HS3ST5: variants seen among roughly 807,000 people sequenced by gnomAD.
HS3ST5 encodes the protein heparan sulfate-glucosamine 3-sulfotransferase 5, also known as heparan sulfate glucosamine 3-O-sulfotransferase 5.
HS3ST5 carries 10 observed loss-of-function variants against 25.4 expected under a neutral mutation model. The observed-to-expected ratio is 0.39, with a 90% confidence interval of 0.24 to 0.67. The LOEUF is 0.67. Among genes scored for constraint, HS3ST5 ranks in the 30% least tolerant of loss-of-function variants. The probability of loss-of-function intolerance (pLI) is 0.44; values close to 1 mark genes in which losing one functional copy is unlikely to be tolerated. For missense variants in HS3ST5, 324 were observed against 420.7 expected (o/e 0.77, Z 2.01); for synonymous variants, 170 against 162.4 (o/e 1.05, Z -0.36).
chr6:114,109,082 A>G (rs1776131840), intron 3 of HS3ST5, among the ~76,000 whole-genome samples: 1 of 152,050 alleles, frequency 6.6e-6, no homozygotes, highest in Non-Finnish European at 1.5e-5. Flanking sequence ...AGGACTGCTT[A>G]AGCCTGGGAG....
chr6:114,126,135 C>T (rs187580463), intron 3 of HS3ST5, among the ~76,000 whole-genome samples: 1 of 152,286 alleles, frequency 6.6e-6, no homozygotes, highest in East Asian at 1.9e-4. Flanking sequence ...TTCAAAAATA[C>T]TCCCTGGATA....
intron 3 of HS3ST5, among the ~76,000 whole-genome samples, chr6:114,082,986 C>T (rs1298420948): frequency 1.3e-5 from 2 of 152,214 alleles, no homozygotes; most frequent in Non-Finnish European, 2.9e-5. Context: ...ACCATTGCTC[C>T]ATCTGTAAGG....
At chr6:114,093,978 C>T (rs1178682683) in intron 3 of HS3ST5, among the ~76,000 whole-genome samples, 1 of 151,998 alleles carries the variant, frequency 6.6e-6, no homozygotes, top group Non-Finnish European at 1.5e-5. Context: ...AATAAAAATT[C>T]AATCTTGAAT....
chr6:114,336,347 G>A (rs1776611162), intron 1 of HS3ST5, among the ~76,000 whole-genome samples: 1 of 152,180 alleles, frequency 6.6e-6, no homozygotes, highest in East Asian at 1.9e-4. Context: ...AGTGGCTCAC[G>A]CCGGTAATCC....
chr6:114,215,386 A>C (rs2114458421), intron 2 of HS3ST5, among the ~76,000 whole-genome samples: 1 of 152,248 alleles, frequency 6.6e-6, no homozygotes, highest in East Asian at 1.9e-4. Context: ...TGGGACCCCG[A>C]ACCCTGGCTG....
chr6:114,242,027 A>G (rs976302318), intron 1 of HS3ST5, among the ~76,000 whole-genome samples: 17 of 152,254 alleles, frequency 1.1e-4, no homozygotes, highest in African/African-American at 4.1e-4. Context: ...AGACTGTACT[A>G]TCCATAGGGC....
intron 3 of HS3ST5, among the ~76,000 whole-genome samples, chr6:114,129,137 T>C (rs1777200675): frequency 6.6e-6 from 1 of 152,172 alleles, no homozygotes; most frequent in Non-Finnish European, 1.5e-5. Context: ...TAATGAGCTC[T>C]TAGTAAATGT....
At chr6:114,246,159 G>A (rs531032092) in intron 1 of HS3ST5, among the ~76,000 whole-genome samples, 39 of 152,124 alleles carry the variant, frequency 2.6e-4, no homozygotes, top group Non-Finnish European at 4.9e-4. Flanking sequence ...TATATTCTCT[G>A]TGAATAAAAC....
intron 1 of HS3ST5, among the ~76,000 whole-genome samples, chr6:114,262,708 C>G (rs540574827): frequency 1.3e-4 from 19 of 151,834 alleles, no homozygotes; most frequent in African/African-American, 4.3e-4. Flanking sequence ...ATTAATAAAA[C>G]AGCAATAATA....
intron 3 of HS3ST5, among the ~76,000 whole-genome samples, chr6:114,129,251 C>CTTTTTTTT (rs398048772): frequency 7.1e-5 from 7 of 98,016 alleles, no homozygotes; most frequent in East Asian, 3.2e-4. Flanking sequence ...CAACAAGAAC[C>CTTTTTTTT]TTTTTTTTTT....
intron 2 of HS3ST5, among the ~76,000 whole-genome samples, chr6:114,207,626 C>T (rs1451475145): frequency 6.6e-6 from 1 of 152,038 alleles, no homozygotes; most frequent in Non-Finnish European, 1.5e-5. Flanking sequence ...CTCTCTCACT[C>T]TCTCTCCTTT....
intron 1 of HS3ST5, among the ~76,000 whole-genome samples, chr6:114,335,187 T>G (rs1180738694): frequency 2.0e-5 from 3 of 151,980 alleles, no homozygotes; most frequent in Non-Finnish European, 4.4e-5. Flanking sequence ...AATTACCTCA[T>G]CTGTGAAATG....
chr6:114,096,100 T>G (rs781437760), intron 3 of HS3ST5, among the ~76,000 whole-genome samples: 1 of 152,208 alleles, frequency 6.6e-6, no homozygotes, highest in Non-Finnish European at 1.5e-5. Flanking sequence ...AAGCGTTCAC[T>G]CACCTATTAA....
At chr6:114,128,333 G>A (rs1364576399) in intron 3 of HS3ST5, among the ~76,000 whole-genome samples, 5 of 151,916 alleles carry the variant, frequency 3.3e-5, no homozygotes, top group Non-Finnish European at 7.4e-5. Flanking sequence ...TTTTTTAAAG[G>A]TGGCAAAATT....
At chr6:114,103,152 C>T (rs1337850973) in intron 3 of HS3ST5, among the ~76,000 whole-genome samples, 2 of 152,134 alleles carry the variant, frequency 1.3e-5, no homozygotes, top group African/African-American at 4.8e-5. Flanking sequence ...TCTTCCCTAG[C>T]AGTGTTTATT....
chr6:114,220,989 C>CA (rs1159510129), intron 2 of HS3ST5, among the ~76,000 whole-genome samples: 3 of 151,776 alleles, frequency 2.0e-5, no homozygotes, highest in Admixed American at 6.6e-5. Context: ...GAGTCAATTA[C>CA]AAAAAAACAT....
chr6:114,276,548 C>G (rs557833193), intron 1 of HS3ST5, among the ~76,000 whole-genome samples: 1 of 151,326 alleles, frequency 6.6e-6, no homozygotes, highest in African/African-American at 2.4e-5. Context: ...AGTACAAATT[C>G]CATTTACATA....
intron 1 of HS3ST5, among the ~76,000 whole-genome samples, chr6:114,341,149 GA>G (rs1405149715): frequency 6.9e-6 from 1 of 145,128 alleles, no homozygotes; most frequent in East Asian, 2.1e-4. Flanking sequence ...ACAGAGAGGA[GA>G]GGGGGAGAGA....
At chr6:114,237,731 A>T (rs1201415547) in intron 1 of HS3ST5, among the ~76,000 whole-genome samples, 1 of 152,250 alleles carries the variant, frequency 6.6e-6, no homozygotes, top group Non-Finnish European at 1.5e-5. Flanking sequence ...CACACACAGA[A>T]ACAGGCAAAG....
Sources: gnomAD v4.1 joint callset for allele counts (sites outside exome capture counted in the v4.1 genomes callset) on GRCh38, gnomAD v4.1.1 for gene constraint, MANE v1.5 for transcripts, NCBI Gene and HGNC (gene_info 2026-07-23, HGNC 2026-07-21) for gene names.